FAM161A: variants seen among roughly 807,000 people sequenced by gnomAD.
The protein encoded by FAM161A is FAM161 centrosomal protein A.
Under a neutral mutation model 70.9 loss-of-function variants are expected in FAM161A, and 57 were observed. That is an observed-to-expected ratio of 0.80 (90% CI 0.65 to 1.00). The LOEUF is 1.00. Ranked by LOEUF, FAM161A falls within the 50% of genes least tolerant of loss-of-function variation. FAM161A has a pLI of 0.00. For missense variants in FAM161A, 880 were observed against 836.0 expected (o/e 1.05, Z -0.65); for synonymous variants, 299 against 295.7 (o/e 1.01, Z -0.12).
chr2:61,810,453 CTTTTTTTTTT>C, the FAM161A span, among the ~76,000 whole-genome samples: 2 of 95,616 alleles, frequency 2.1e-5, no homozygotes, highest in African/African-American at 8.6e-5. Flanking sequence ...CCAGCACTTC[CTTTTTTTTTT>C]TTTTTTTTTT....
At chr2:61,835,101 C>G (rs1672723785) in intron 5 of FAM161A, among the ~76,000 whole-genome samples, 1 of 152,174 alleles carries the variant, frequency 6.6e-6, no homozygotes, top group African/African-American at 2.4e-5. Flanking sequence ...CAGATTCACC[C>G]ACAATACATG....
At position 61,836,067 on chromosome 2, in the gene FAM161A, T is replaced by C. The variant is rs78071823; in HGVS notation, c.1794A>G (p.Leu598=). Residue 598 remains leucine, a synonymous_variant, in exon 5 of 7, where the codon CTA becomes CTG. Transcript: ENST00000404929. The stretch of plus-strand genomic sequence containing the variant: ...TTTTTAATTTTTCTTCTCTTTCTTC[T>C]AGTTCTCGTTGGTATTCTCTCATCC... ...KERMREYQRE[L]EEREEKLKKR... The C allele has an allele frequency of 1.2e-5, 20 of 1,611,848 alleles. No individual in the cohort carries two copies. In the East Asian group the frequency reaches 3.8e-4, roughly 31 times the overall value.
intron 1 of FAM161A, among the ~76,000 whole-genome samples, chr2:61,847,737 A>G (rs190048048): frequency 4.4e-4 from 67 of 152,290 alleles, no homozygotes; most frequent in African/African-American, 1.5e-3. Flanking sequence ...GAGGCACTGC[A>G]CTCCAGCCTG....
chr2:61,827,339 G>T, intron 5 of FAM161A, 81 bp from the exon 6 acceptor site: 1 of 1,416,536 alleles, frequency 7.1e-7, no homozygotes, highest in East Asian at 2.3e-5. Flanking sequence ...GGCCAGGCGC[G>T]GTGGCTCACG....
At chr2:61,844,178 C>T (rs959944817) in intron 1 of FAM161A, among the ~76,000 whole-genome samples, 4 of 152,026 alleles carry the variant, frequency 2.6e-5, no homozygotes, top group African/African-American at 9.7e-5. Context: ...AACTTACGTG[C>T]AGAAATTTGC....
Position 61,825,330 on chromosome 2 carries a change from G to C in FAM161A, c.*1125C>G, listed in dbSNP as rs1262768844. Reference sequence around the variant, plus strand: ...GAACACAACTGGGTCTAGCAGTGAAGAGTTAAATCTGAATTACTTTGGAGA... The same window carrying C: ...GAACACAACTGGGTCTAGCAGTGAACAGTTAAATCTGAATTACTTTGGAGA... On this transcript the variant is annotated 3_prime_UTR_variant, in exon 7 of 7. Coordinates refer to ENST00000404929, the MANE Select transcript of FAM161A (RefSeq NM_001201543.2). The C allele has an allele frequency of 4.4e-6, 2 of 454,152 alleles. No homozygotes were observed. The highest frequency in any genetic ancestry group is 1.4e-4 in the East Asian group (2 of 14,530). 28.1% of individuals were successfully genotyped at this position (454,152 alleles called of 1,614,324 possible). A position where few individuals can be genotyped will look rare whatever the true frequency, so the allele number is the denominator to read the frequency against.
At chr2:61,801,747 G>C in the FAM161A span, among the ~76,000 whole-genome samples, 3 of 151,924 alleles carry the variant, frequency 2.0e-5, no homozygotes, top group Non-Finnish European at 4.4e-5. Flanking sequence ...TTTTAGTAGA[G>C]GTGGGGTTTC....
intron 5 of FAM161A, chr2:61,835,584 G>C (rs987330181): frequency 6.2e-6 from 1 of 161,106 alleles, no homozygotes; most frequent in South Asian, 1.7e-4. Context: ...ATCTAACCAA[G>C]TTTGTACTGA....
rs1157043368 is a variant in FAM161A at position 61,839,690 on chromosome 2, G to C, written c.1314C>G (p.Tyr438Ter). The C allele has an allele frequency of 6.2e-7, 1 of 1,614,024 alleles. No homozygotes were observed. The highest frequency in any genetic ancestry group is 8.5e-7 in the Non-Finnish European group (1 of 1,180,040). Reference protein sequence around the residue: ...TPDFEDLPERYQKHLSEHKSP... With the variant: ...TPDFEDLPER The stretch of plus-strand genomic sequence containing the variant: ...ACTTGTGTTCTGAGAGGTGTTTCTG[G>C]TATCTCTCAGGAAGGTCCTCAAAAT... Residue 438 changes from tyrosine to a stop codon, truncating the protein, a stop_gained, in exon 3 of 7, where the codon TAC becomes TAG. Transcript: ENST00000404929. LOFTEE classifies it high-confidence loss of function.
At chr2:61,812,845 G>A in the FAM161A span, among the ~76,000 whole-genome samples, 1 of 151,766 alleles carries the variant, frequency 6.6e-6, no homozygotes, top group East Asian at 1.9e-4. Context: ...TGAGGCAGGT[G>A]GATCACGAGG....
chr2:61,838,756 G>C, intron 3 of FAM161A, 51 bp from the exon 4 acceptor site: 1 of 1,328,860 alleles, frequency 7.5e-7, no homozygotes, highest in Admixed American at 2.7e-5. Flanking sequence ...TCAGAATGTT[G>C]TTTAGCAAAG....
chr2:61,852,233 C>A (rs1673522659), intron 1 of FAM161A, among the ~76,000 whole-genome samples: 1 of 152,010 alleles, frequency 6.6e-6, no homozygotes, highest in African/African-American at 2.4e-5. Flanking sequence ...TAAACTGATC[C>A]CTCCTAAGGT....
the FAM161A span, among the ~76,000 whole-genome samples, chr2:61,801,689 C>G: frequency 6.6e-6 from 1 of 151,540 alleles, no homozygotes; most frequent in Non-Finnish European, 1.5e-5. Context: ...GCCTCCTGAG[C>G]AGCTGGGATT....
intron 1 of FAM161A, among the ~76,000 whole-genome samples, chr2:61,850,167 C>T (rs1462735031): frequency 5.3e-5 from 8 of 152,060 alleles, no homozygotes; most frequent in South Asian, 2.1e-4. Flanking sequence ...GAGGCTGAGG[C>T]GGGCGGATCA....
chr2:61,839,871 A>C lies in FAM161A; in HGVS notation c.1133T>G (p.Leu378Arg), dbSNP rs187695569. ...TTNDKLKEEE[L>R]YRNLRTQLRA... The stretch of plus-strand genomic sequence containing the variant: ...CAGCTGTGTCCTAAGGTTTCGATAG[A>C]GCTCTTCTTCTTTTAACTTGTCATT... The change falls in exon 3 of 7, where the codon CTC (leucine) becomes CGC (arginine). Residue 378 changes from leucine (L) to arginine (R), a missense_variant. Transcript: ENST00000404929. 3.5e-3 allele frequency: 5,676 copies of C among 1,614,172 alleles called. 29 individuals are homozygous for C. Among genetic ancestry groups the C allele is most frequent in the Non-Finnish European group, 3.8e-3 (4,483 of 1,180,032 alleles).
chr2:61,843,170 GTC>G (rs1238322813), intron 1 of FAM161A, among the ~76,000 whole-genome samples: 1 of 152,030 alleles, frequency 6.6e-6, no homozygotes, highest in East Asian at 1.9e-4. Flanking sequence ...ACGAGACGGA[GTC>G]TCACTCTGTC....
intron 1 of FAM161A, among the ~76,000 whole-genome samples, chr2:61,849,432 G>C (rs1045842606): frequency 1.3e-5 from 2 of 151,488 alleles, no homozygotes; most frequent in Admixed American, 6.6e-5. Context: ...TTGAGCCCAG[G>C]AGTTTGAGAC....
intron 3 of FAM161A, among the ~76,000 whole-genome samples, 179 bp from the exon 4 acceptor site, chr2:61,838,884 A>ATTTTT (rs749935817): frequency 5.2e-5 from 7 of 133,618 alleles, no homozygotes; most frequent in African/African-American, 8.4e-5. Context: ...TTATTTATTT[A>ATTTTT]TTTATTTATT....
chr2:61,800,581 C>A, the FAM161A span, among the ~76,000 whole-genome samples: 1 of 152,102 alleles, frequency 6.6e-6, no homozygotes, highest in Non-Finnish European at 1.5e-5. Context: ...CTGGAAGCAC[C>A]AACAAGCCAC....
Sources: allele counts gnomAD v4.1 joint callset (sites outside exome capture counted in the v4.1 genomes callset), GRCh38; gene constraint gnomAD v4.1.1; transcripts MANE v1.5; gene names NCBI Gene and HGNC (gene_info 2026-07-23, HGNC 2026-07-21).